Variants in URB1 observed in about 807,000 individuals in gnomAD.
The protein encoded by URB1 is nucleolar pre-ribosomal-associated protein 1.
URB1 carries 197 observed loss-of-function variants against 242.3 expected under a neutral mutation model. That is an observed-to-expected ratio of 0.81 (90% confidence interval 0.72 to 0.91). The LOEUF (loss-of-function observed/expected upper bound fraction) is 0.91. Among genes scored for constraint, URB1 ranks in the 40% least tolerant of loss-of-function variants. The pLI, the probability that URB1 is intolerant of heterozygous loss-of-function variation, is 0.00. For missense variants in URB1, 2,721 were observed against 2,860.5 expected (o/e 0.95, Z 1.11); for synonymous variants, 1,153 against 1,201.8 (o/e 0.96, Z 0.84).
At position 32,313,327 on chromosome 21, in the gene URB1, G is replaced by A. The variant is rs2032623806; in HGVS notation, c.*1591C>T. ...CAAGCAGAGGTGCCTATAACCAAAGGAATCCCCAAAGATAGGCCTTGGAGA... is the reference window on the plus strand; with the variant it reads ...CAAGCAGAGGTGCCTATAACCAAAGAAATCCCCAAAGATAGGCCTTGGAGA... On this transcript the variant is annotated 3_prime_UTR_variant, in exon 39 of 39. Transcript: ENST00000382751. 1 of 152,238 alleles carries A rather than the reference G, an allele frequency of 6.6e-6. No homozygotes were observed. Among genetic ancestry groups the A allele is most frequent in the Non-Finnish European group, 1.5e-5 (1 of 68,068 alleles). The allele number at this position is 152,238 out of a possible 1,614,324, so 9.4% of individuals were successfully genotyped here. A position where few individuals can be genotyped will look rare whatever the true frequency, so the allele number is the denominator to read the frequency against.
intron 30 of URB1, among the ~76,000 whole-genome samples, chr21:32,329,228 T>C (rs1020836156): frequency 6.6e-6 from 1 of 152,194 alleles, no homozygotes; most frequent in African/African-American, 2.4e-5. Context: ...ATCATGCCAC[T>C]GCACTCCAAC....
Position 32,345,595 on chromosome 21 carries a change from G to T in URB1, c.3869-20C>A, listed in dbSNP as rs2033078153. ...AAGACACTAGGGCAGAGATACAAAGGAGAAGTCATCACACCCAATGGTGGG... is the reference window on the plus strand; with the variant it reads ...AAGACACTAGGGCAGAGATACAAAGTAGAAGTCATCACACCCAATGGTGGG... On this transcript the variant is annotated intron_variant, in intron 22 of 38. Coordinates refer to ENST00000382751, the MANE Select transcript of URB1 (RefSeq NM_014825.3). The T allele has an allele frequency of 6.6e-7, 1 of 1,519,286 alleles. No individual in the cohort carries two copies. The highest frequency in any genetic ancestry group is 1.4e-5 in the African/African-American group (1 of 72,406). 94.1% of individuals were successfully genotyped at this position (1,519,286 alleles called of 1,614,324 possible).
chr21:32,337,062 A>T, intron 28 of URB1, 32 bp downstream of exon 28: 1 of 1,546,318 alleles, frequency 6.5e-7, no homozygotes, highest in Admixed American at 2.0e-5. Context: ...CTGTGACCTC[A>T]AGGCCTAGTC....
intron 13 of URB1, 44 bp downstream of exon 13, chr21:32,360,963 T>G: frequency 7.1e-7 from 1 of 1,408,886 alleles, no homozygotes; most frequent in South Asian, 1.3e-5. Flanking sequence ...TCTGGTTTAT[T>G]GGCAGCAACA....
Position 32,316,703 on chromosome 21 carries a change from G to A in URB1, c.6397C>T (p.Pro2133Ser), listed in dbSNP as rs1459939292. 2 of 1,551,284 alleles carry A rather than the reference G, an allele frequency of 1.3e-6. No individual in the cohort carries two copies. Among genetic ancestry groups the A allele is most frequent in the African/African-American group, 2.7e-5 (2 of 73,064 alleles). Residue 2133 changes from proline to serine, a missense_variant, in exon 38 of 39, where the codon CCT (proline) becomes TCT (serine). By Grantham distance (74) the Pro-to-Ser change is moderately conservative. Coordinates refer to ENST00000382751, the MANE Select transcript of URB1 (RefSeq NM_014825.3). ...TTAAGGAGGTCAGCCACGACCACAGGGTGTGGCAAAATATGGCTCTTAAGC... is the reference window on the plus strand; with the variant it reads ...TTAAGGAGGTCAGCCACGACCACAGAGTGTGGCAAAATATGGCTCTTAAGC... ...GWLKSHILPH[P>S]VVVADLLKDS...
intron 5 of URB1, 150 bp downstream of exon 5, chr21:32,378,295 C>T (rs911609444): frequency 3.4e-5 from 23 of 678,516 alleles, no homozygotes; most frequent in South Asian, 1.8e-4. Context: ...GCTTTGCACC[C>T]GCTCACCCAC....
Position 32,361,089 on chromosome 21 carries a change from C to G in URB1, c.1674G>C (p.Leu558Phe). 1 of 1,537,006 alleles carries G rather than the reference C, an allele frequency of 6.5e-7. No individual in the cohort carries two copies. Among genetic ancestry groups the G allele is most frequent in the Non-Finnish European group, 8.8e-7 (1 of 1,141,540 alleles). The change falls in exon 13 of 39, where the codon TTG becomes TTC. Residue 558 changes from leucine to phenylalanine, a missense_variant. Leu to Phe is a conservative substitution (Grantham distance 22, BLOSUM62 0). Coordinates refer to ENST00000382751, the MANE Select transcript of URB1 (RefSeq NM_014825.3). ...DAETILLKAV[L>F]LQVICLYQKV... The stretch of plus-strand genomic sequence containing the variant: ...TCTGGTAGAGGCATATGACCTGGAG[C>G]AAAACAGCTTTCAAAAGAATGGTTT...
rs2033371710 is a variant in URB1, at chr21:32,368,566, A to G, written c.1034T>C (p.Leu345Pro). The change falls in exon 9 of 39, where the codon CTG becomes CCG. Residue 345 changes from leucine (L) to proline (P), a missense_variant. Physicochemically the swap from Leu to Pro is moderately conservative, Grantham distance 98. Transcript: ENST00000382751. The part of the protein sequence containing the change: ...GGNLTLLHFL[L>P]GLKTAADDDL... ...ATCATCAGCTGCAGTTTTCAAACCCAGCAAGAAGTGCAAGAGTGTCAGGTT... is the reference window on the plus strand; with the variant it reads ...ATCATCAGCTGCAGTTTTCAAACCCGGCAAGAAGTGCAAGAGTGTCAGGTT... The G allele has an allele frequency of 1.5e-5, 24 of 1,551,592 alleles. No individual in the cohort carries two copies. Among genetic ancestry groups the G allele is most frequent in the Non-Finnish European group, 1.9e-5 (22 of 1,146,932 alleles).
intron 1 of URB1, among the ~76,000 whole-genome samples, chr21:32,390,187 C>G (rs2033622885): frequency 6.6e-6 from 1 of 152,220 alleles, no homozygotes; most frequent in South Asian, 2.1e-4. Flanking sequence ...CCCTGTCAAC[C>G]TGGGTCTCCT....
At chr21:32,349,272 A>T in intron 21 of URB1, 32 bp downstream of exon 21, 1 of 1,497,132 alleles carries the variant, frequency 6.7e-7, no homozygotes, top group Non-Finnish European at 8.9e-7. Context: ...CATGACTCTG[A>T]GAATAGGCTA....
chr21:32,358,418 T>C (rs1330204144), intron 14 of URB1, among the ~76,000 whole-genome samples: 4 of 152,188 alleles, frequency 2.6e-5, no homozygotes, highest in Non-Finnish European at 5.9e-5. Flanking sequence ...ATGCCAGTGC[T>C]GATAGAACGG....
intron 30 of URB1, among the ~76,000 whole-genome samples, chr21:32,326,602 C>T (rs1391899881): frequency 1.3e-5 from 2 of 152,070 alleles, no homozygotes; most frequent in African/African-American, 2.4e-5. Flanking sequence ...GATTGGATCT[C>T]GGGGCAGATT....
intron 21 of URB1, among the ~76,000 whole-genome samples, chr21:32,348,360 T>G (rs771467694): frequency 1.3e-5 from 2 of 152,182 alleles, no homozygotes; most frequent in Non-Finnish European, 2.9e-5. Context: ...TAAACCACCG[T>G]GTGTCTACGA....
At chr21:32,325,861 C>T (rs1379460621) in intron 30 of URB1, among the ~76,000 whole-genome samples, 1 of 152,178 alleles carries the variant, frequency 6.6e-6, no homozygotes, top group South Asian at 2.1e-4. Flanking sequence ...GCAGCTGATG[C>T]CAACCAGCCC....
At chr21:32,366,495 T>C in intron 10 of URB1, 123 bp downstream of exon 10, 1 of 1,385,518 alleles carries the variant, frequency 7.2e-7, no homozygotes, top group Non-Finnish European at 9.7e-7. Context: ...CCTGGAAGCC[T>C]CCGAGGCCCC....
intron 1 of URB1, among the ~76,000 whole-genome samples, chr21:32,388,371 G>C (rs902176669): frequency 2.6e-5 from 4 of 152,152 alleles, no homozygotes; most frequent in Non-Finnish European, 5.9e-5. Flanking sequence ...CAGCCCCCCG[G>C]GTGTCCTCAG....
chr21:32,351,931 T>C (rs2033163128), intron 19 of URB1, among the ~76,000 whole-genome samples: 1 of 152,198 alleles, frequency 6.6e-6, no homozygotes, highest in South Asian at 2.1e-4. Context: ...TTTCCCCATA[T>C]GCATAAAGGA....
At chr21:32,328,804 G>A (rs2123554414) in intron 30 of URB1, among the ~76,000 whole-genome samples, 1 of 152,274 alleles carries the variant, frequency 6.6e-6, no homozygotes, top group South Asian at 2.1e-4. Context: ...TAACACTTAT[G>A]GAAAAGAGCC....
At chr21:32,346,929 G>T in intron 22 of URB1, 27 bp downstream of exon 22, 1 of 1,474,296 alleles carries the variant, frequency 6.8e-7, no homozygotes, top group Non-Finnish European at 9.0e-7. Flanking sequence ...TAAGACCCCA[G>T]CTGCCCAAAG....
Sources: allele counts gnomAD v4.1 joint callset (sites outside exome capture counted in the v4.1 genomes callset), GRCh38; gene constraint gnomAD v4.1.1; transcripts MANE v1.5; gene names NCBI Gene and HGNC (gene_info 2026-07-23, HGNC 2026-07-21).